NXPE4: variants seen among roughly 807,000 people sequenced by gnomAD.
NXPE4 encodes the protein neurexophilin and PC-esterase domain family member 4.
In NXPE4, 42 loss-of-function variants were observed where a neutral mutation model predicts 33.3. That is an observed-to-expected ratio of 1.26 (90% CI 0.98 to 1.63). NXPE4 has a LOEUF of 1.63. NXPE4 is among the 40% of genes most tolerant of loss of function. NXPE4 has a pLI of 0.00. For missense variants in NXPE4, 709 were observed against 647.6 expected, an observed-to-expected ratio of 1.09 and a Z score of -1.03; for synonymous variants, 253 against 234.9, an observed-to-expected ratio of 1.08 and a Z score of -0.71.
the NXPE4 span, among the ~76,000 whole-genome samples, chr11:114,677,238 A>G: frequency 5.3e-5 from 8 of 152,050 alleles, no homozygotes; most frequent in African/African-American, 1.9e-4. Flanking sequence ...ACTTTATTGC[A>G]TACTTGAAAA....
At chr11:114,615,845 G>C in the NXPE4 span, among the ~76,000 whole-genome samples, 4 of 151,538 alleles carry the variant, frequency 2.6e-5, no homozygotes, top group Non-Finnish European at 4.4e-5. Flanking sequence ...TGGATAATAA[G>C]AGATGCCTCG....
At chr11:114,650,888 A>C in the NXPE4 span, among the ~76,000 whole-genome samples, 2 of 152,218 alleles carry the variant, frequency 1.3e-5, no homozygotes, top group Non-Finnish European at 2.9e-5. Flanking sequence ...AAAAACGGCA[A>C]GCTGCAGCTG....
chr11:114,607,916 GATA>G, the NXPE4 span, among the ~76,000 whole-genome samples: 3 of 151,872 alleles, frequency 2.0e-5, no homozygotes, highest in African/African-American at 7.3e-5. Flanking sequence ...TTACCCAATG[GATA>G]ATAAGTATTG....
the NXPE4 span, among the ~76,000 whole-genome samples, chr11:114,625,997 A>G: frequency 7.9e-5 from 12 of 152,198 alleles, no homozygotes; most frequent in African/African-American, 2.7e-4. Flanking sequence ...CCAGGAGATT[A>G]TATCCCGCAT....
chr11:114,631,429 A>C, the NXPE4 span, among the ~76,000 whole-genome samples: 4 of 150,644 alleles, frequency 2.7e-5, no homozygotes, highest in African/African-American at 9.7e-5. Context: ...AAGAACAAAA[A>C]ACCAAACACT....
chr11:114,576,271 C>G (rs575914721), intron 5 of NXPE4, among the ~76,000 whole-genome samples: 6 of 151,938 alleles, frequency 3.9e-5, no homozygotes, highest in Non-Finnish European at 7.4e-5. Context: ...TTAGAAAAAC[C>G]CTTCTAGACA....
At chr11:114,623,416 G>A in the NXPE4 span, among the ~76,000 whole-genome samples, 6 of 152,104 alleles carry the variant, frequency 3.9e-5, no homozygotes, top group Non-Finnish European at 7.4e-5. Flanking sequence ...ATTGTTACCC[G>A]CTGGATAATA....
chr11:114,585,716 C>A (rs910687459), intron 2 of NXPE4, among the ~76,000 whole-genome samples: 4 of 152,064 alleles, frequency 2.6e-5, no homozygotes, highest in African/African-American at 9.7e-5. Context: ...GTAAAGGAGT[C>A]CTTGGCAAGG....
chr11:114,642,762 C>T, the NXPE4 span, among the ~76,000 whole-genome samples: 7 of 151,952 alleles, frequency 4.6e-5, no homozygotes, highest in East Asian at 1.9e-4. Flanking sequence ...GGTTTATATT[C>T]CTTTGGGTAT....
At chr11:114,613,689 C>T in the NXPE4 span, among the ~76,000 whole-genome samples, 1 of 151,924 alleles carries the variant, frequency 6.6e-6, no homozygotes, top group African/African-American at 2.4e-5. Context: ...AGTGTTGCCT[C>T]GTGGGGAGCC....
the NXPE4 span, among the ~76,000 whole-genome samples, chr11:114,628,356 A>T: frequency 3.9e-5 from 6 of 152,228 alleles, no homozygotes; most frequent in Non-Finnish European, 8.8e-5. Context: ...AGAACTCAGG[A>T]TTAAGAATCT....
the NXPE4 span, among the ~76,000 whole-genome samples, chr11:114,633,195 T>C: frequency 7.7e-5 from 10 of 129,754 alleles, no homozygotes; most frequent in South Asian, 1.6e-3. Context: ...TATTTTATTA[T>C]GTATAAACAT....
At chr11:114,612,023 A>C in the NXPE4 span, among the ~76,000 whole-genome samples, 1 of 151,984 alleles carries the variant, frequency 6.6e-6, no homozygotes, top group African/African-American at 2.4e-5. Context: ...ATGGGTAACC[A>C]CTGTTACCTG....
chr11:114,646,768 A>T, the NXPE4 span, among the ~76,000 whole-genome samples: 1 of 152,172 alleles, frequency 6.6e-6, no homozygotes, highest in East Asian at 1.9e-4. Flanking sequence ...TTTTCTCATT[A>T]AAGAGTTTTC....
the NXPE4 span, among the ~76,000 whole-genome samples, chr11:114,636,040 G>C: frequency 1.3e-5 from 2 of 151,958 alleles, no homozygotes; most frequent in Non-Finnish European, 2.9e-5. Flanking sequence ...AGAAGGAACG[G>C]TACCAGTTCC....
rs1948881175 is a variant in NXPE4, at chr11:114,571,367, C to G, written c.1206G>C (p.Leu402Phe). The change falls in exon 6 of 6, where the codon TTG becomes TTC. Residue 402 changes from leucine (L) to phenylalanine (F), a missense_variant. By Grantham distance (22) the Leu-to-Phe change is conservative. Coordinates refer to ENST00000375478, the MANE Select transcript of NXPE4 (RefSeq NM_001077639.2). ...NIQWQKYCYP[L>F]IGSMTYSVKE... ...TGACTGAATAGGTCATTGATCCTATCAAGGGATAACAATATTTTTGCCACT... is the reference window on the plus strand; with the variant it reads ...TGACTGAATAGGTCATTGATCCTATGAAGGGATAACAATATTTTTGCCACT... 3.1e-6 allele frequency: 5 copies of G among 1,613,972 alleles called. No individual in the cohort carries two copies. The highest frequency in any genetic ancestry group is 4.2e-6 in the Non-Finnish European group (5 of 1,179,914).
the NXPE4 span, among the ~76,000 whole-genome samples, chr11:114,603,481 T>C: frequency 2.0e-5 from 3 of 151,400 alleles, no homozygotes; most frequent in African/African-American, 7.3e-5. Flanking sequence ...TTGCCTCGTC[T>C]CCTAGGTAAC....
chr11:114,613,554 A>T, the NXPE4 span, among the ~76,000 whole-genome samples: 3 of 151,186 alleles, frequency 2.0e-5, no homozygotes, highest in Non-Finnish European at 4.4e-5. Flanking sequence ...GCTGCACAAT[A>T]AGTGTTGCCT....
the NXPE4 span, among the ~76,000 whole-genome samples, chr11:114,619,940 G>A: frequency 1.4e-4 from 21 of 151,548 alleles, no homozygotes; most frequent in South Asian, 4.2e-4. Flanking sequence ...ACTGTTACCC[G>A]GTGGATAATA....
Sources: allele counts gnomAD v4.1 joint callset (sites outside exome capture counted in the v4.1 genomes callset), GRCh38; gene constraint gnomAD v4.1.1; transcripts MANE v1.5; gene names NCBI Gene and HGNC (gene_info 2026-07-23, HGNC 2026-07-21).